PDS5B: variants seen among roughly 807,000 people sequenced by gnomAD.
PDS5B encodes the protein PDS5 cohesin associated factor B, also known as sister chromatid cohesion protein PDS5 homolog B.
PDS5B carries 51 observed loss-of-function variants against 184.1 expected under a neutral mutation model. That is an observed-to-expected ratio of 0.28 (90% CI 0.22 to 0.35). The LOEUF (loss-of-function observed/expected upper bound fraction) is 0.35, where lower values mean the gene tolerates loss of function less well. Ranked by LOEUF, PDS5B falls within the 10% of genes least tolerant of loss-of-function variation. The probability of loss-of-function intolerance (pLI) is 1.00; values close to 1 mark genes in which losing one functional copy is unlikely to be tolerated. For missense variants in PDS5B, 1,180 were observed against 1,723.3 expected, an observed-to-expected ratio of 0.68 and a Z score of 5.58; for synonymous variants, 566 against 569.2, an observed-to-expected ratio of 0.99 and a Z score of 0.08.
chr13:32,602,747 C>G (rs2057997175), intron 1 of PDS5B, among the ~76,000 whole-genome samples: 1 of 152,206 alleles, frequency 6.6e-6, no homozygotes, highest in Non-Finnish European at 1.5e-5. Flanking sequence ...TCCACATCCT[C>G]TCTAGCACCT....
At chr13:32,652,145 G>GTTTTT in intron 3 of PDS5B, 138 bp downstream of exon 3, 1 of 473,020 alleles carries the variant, frequency 2.1e-6, no homozygotes. Flanking sequence ...TAAACTTAAT[G>GTTTTT]TTTTTTTTTT....
At chr13:32,599,901 T>G (rs1566235674) in intron 1 of PDS5B, among the ~76,000 whole-genome samples, 1 of 152,116 alleles carries the variant, frequency 6.6e-6, no homozygotes, top group Non-Finnish European at 1.5e-5. Context: ...GGTGACAGAA[T>G]GAGACTCTGT....
intron 31 of PDS5B, among the ~76,000 whole-genome samples, chr13:32,766,751 C>T (rs1954599896): frequency 6.6e-6 from 1 of 152,098 alleles, no homozygotes; most frequent in South Asian, 2.1e-4. Context: ...GTTCTTAAAA[C>T]AGTGCAATGC....
At chr13:32,669,851 C>T (rs1021711659) in intron 7 of PDS5B, among the ~76,000 whole-genome samples, 3 of 152,040 alleles carry the variant, frequency 2.0e-5, no homozygotes, top group Admixed American at 6.6e-5. Context: ...TTGCTTTTTC[C>T]CTCCCTTTAG....
chr13:32,666,278 A>G (rs888213794), intron 6 of PDS5B, among the ~76,000 whole-genome samples: 9 of 152,070 alleles, frequency 5.9e-5, no homozygotes, highest in African/African-American at 2.2e-4. Flanking sequence ...GGGTTTTGCC[A>G]TGTTGACCAG....
chr13:32,638,338 C>G (rs867680097), intron 1 of PDS5B, among the ~76,000 whole-genome samples: 1 of 151,454 alleles, frequency 6.6e-6, no homozygotes, highest in Admixed American at 6.6e-5. Flanking sequence ...GGTGTAGATA[C>G]AAGGAATGGA....
intron 1 of PDS5B, among the ~76,000 whole-genome samples, chr13:32,620,751 T>C (rs1332233093): frequency 6.6e-6 from 1 of 151,418 alleles, no homozygotes; most frequent in Non-Finnish European, 1.5e-5. Context: ...TGAAGAATGG[T>C]GGTGTTAGTT....
chr13:32,704,706 T>A (rs1262124141), intron 17 of PDS5B, among the ~76,000 whole-genome samples: 1 of 152,250 alleles, frequency 6.6e-6, no homozygotes, highest in Non-Finnish European at 1.5e-5. Flanking sequence ...GGAAGTTCTT[T>A]CATCCCTCCT....
intron 2 of PDS5B, among the ~76,000 whole-genome samples, chr13:32,650,930 C>T (rs1355171404): frequency 1.3e-5 from 2 of 152,182 alleles, no homozygotes; most frequent in African/African-American, 4.8e-5. Flanking sequence ...TTTGCAGCAC[C>T]ACCTAGTGGA....
intron 1 of PDS5B, among the ~76,000 whole-genome samples, chr13:32,645,306 G>A (rs1174822664): frequency 1.3e-5 from 2 of 152,122 alleles, no homozygotes; most frequent in South Asian, 2.1e-4. Context: ...ATTGGGTTTT[G>A]TTGTCAGAGT....
chr13:32,660,207 GGT>G (rs1950607372), intron 6 of PDS5B, among the ~76,000 whole-genome samples: 1 of 152,112 alleles, frequency 6.6e-6, no homozygotes, highest in Non-Finnish European at 1.5e-5. Flanking sequence ...TTCTGCCTCT[GGT>G]GACCACAGGA....
At chr13:32,752,238 A>G (rs1954011357) in intron 24 of PDS5B, among the ~76,000 whole-genome samples, 2 of 152,136 alleles carry the variant, frequency 1.3e-5, no homozygotes, top group South Asian at 2.1e-4. Flanking sequence ...TACTTGTTCT[A>G]TCTTATTAGT....
chr13:32,630,324 T>C (rs2074064506), intron 1 of PDS5B, among the ~76,000 whole-genome samples: 1 of 152,120 alleles, frequency 6.6e-6, no homozygotes, highest in Non-Finnish European at 1.5e-5. Flanking sequence ...TGTGGGGTGA[T>C]TTTGCCCTGC....
At chr13:32,718,235 C>T (rs998093569) in intron 19 of PDS5B, among the ~76,000 whole-genome samples, 14 of 151,748 alleles carry the variant, frequency 9.2e-5, no homozygotes, top group African/African-American at 3.4e-4. Flanking sequence ...ACTGCAAGCT[C>T]CGCCTCCCGG....
chr13:32,599,210 A>G (rs913366189), intron 1 of PDS5B, among the ~76,000 whole-genome samples: 7 of 152,152 alleles, frequency 4.6e-5, no homozygotes, highest in African/African-American at 1.7e-4. Context: ...ATAAAGTTAT[A>G]TTGAATTTGT....
At chr13:32,705,876 A>G (rs1271202147) in intron 17 of PDS5B, among the ~76,000 whole-genome samples, 2 of 152,118 alleles carry the variant, frequency 1.3e-5, no homozygotes, top group African/African-American at 4.8e-5. Context: ...TATGTTGCTC[A>G]GGCTGGTCTT....
At chr13:32,738,089 G>A (rs1478334411) in intron 21 of PDS5B, among the ~76,000 whole-genome samples, 2 of 152,050 alleles carry the variant, frequency 1.3e-5, no homozygotes, top group African/African-American at 2.4e-5. Flanking sequence ...TAATTTCACT[G>A]TGGAAAATAT....
chr13:32,703,606 GGA>G (rs1381546444), intron 17 of PDS5B, among the ~76,000 whole-genome samples: 5 of 152,178 alleles, frequency 3.3e-5, no homozygotes, highest in Admixed American at 3.3e-4. Flanking sequence ...TCTCACTGCT[GGA>G]GTGTGGAAAA....
intron 25 of PDS5B, 51 bp downstream of exon 25, chr13:32,753,587 G>T: frequency 1.6e-6 from 2 of 1,263,570 alleles, no homozygotes; most frequent in Non-Finnish European, 2.2e-6. Context: ...GCTAGTTTCA[G>T]TTTTATAGAA....
Sources: gnomAD v4.1 joint callset for allele counts (sites outside exome capture counted in the v4.1 genomes callset) on GRCh38, gnomAD v4.1.1 for gene constraint, MANE v1.5 for transcripts, NCBI Gene and HGNC (gene_info 2026-07-23, HGNC 2026-07-21) for gene names.